The following NLRP5 variants were observed in gnomAD, a reference collection of about 807,000 sequenced individuals.
The protein encoded by NLRP5 is NACHT, LRR and PYD domains-containing protein 5.
In NLRP5, 93 loss-of-function variants were observed where a neutral mutation model predicts 113.1. The ratio of observed to expected loss-of-function variants is 0.82; its 90% CI spans 0.70 to 0.98. The LOEUF is 0.98. NLRP5 is among the 50% of genes least tolerant of loss of function. The probability of loss-of-function intolerance (pLI) is 0.00; values close to 1 mark genes in which losing one functional copy is unlikely to be tolerated. For synonymous variants in NLRP5, 751 were observed against 600.7 expected, an observed-to-expected ratio of 1.25 and a Z score of -3.66; for missense variants, 1,808 against 1,514.3, an observed-to-expected ratio of 1.19 and a Z score of -3.22.
Position 56,027,349 on chromosome 19 carries a change from C to T in NLRP5, c.1116C>T (p.Asn372=). Residue 372 remains asparagine, a synonymous_variant, in exon 7 of 15, where the codon AAC becomes AAT. Coordinates refer to ENST00000390649, the MANE Select transcript of NLRP5 (RefSeq NM_153447.4). The stretch of plus-strand genomic sequence containing the variant: ...TCGATGACCTGGGCTCTGTCCTCAA[C>T]AATGACACAAAGCTCTGCAAAGACT... 3 of 1,613,272 alleles carry T rather than the reference C, an allele frequency of 1.9e-6. No individual in the cohort carries two copies. The highest frequency in any genetic ancestry group is 2.5e-6 in the Non-Finnish European group (3 of 1,179,818).
rs879086181 is a variant in NLRP5 at position 56,061,612 on chromosome 19, A to T, written c.*84A>T. On this transcript the variant is annotated 3_prime_UTR_variant, in exon 15 of 15. Transcript: ENST00000390649. ...TCTCAGAGCAAGCTATGCACCTGGGAGTTCCTTCTCAAAGATGGAGAATGA... is the reference window on the plus strand; with the variant it reads ...TCTCAGAGCAAGCTATGCACCTGGGTGTTCCTTCTCAAAGATGGAGAATGA... 1 of 1,427,464 alleles carries T rather than the reference A, an allele frequency of 7.0e-7. No homozygotes were observed. 88.4% of individuals were successfully genotyped at this position (1,427,464 alleles called of 1,614,324 possible).
intron 7 of NLRP5, among the ~76,000 whole-genome samples, chr19:56,031,944 G>C (rs1395443723): frequency 1.3e-5 from 2 of 152,192 alleles, no homozygotes; most frequent in African/African-American, 4.8e-5. Flanking sequence ...AGGATTGTTA[G>C]GTCCTATGGT....
chr19:55,995,168 T>C (rs1227952605), upstream of NLRP5, among the ~76,000 whole-genome samples: 1 of 152,052 alleles, frequency 6.6e-6, no homozygotes, highest in Non-Finnish European at 1.5e-5. Context: ...ATGAGAACAC[T>C]TGGACACAGG....
Position 56,061,517 on chromosome 19 carries a change from T to G in NLRP5, c.3592T>G (p.Trp1198Gly), listed in dbSNP as rs1432336034. 1 of 1,613,816 alleles carries G rather than the reference T, an allele frequency of 6.2e-7. No individual in the cohort carries two copies. Among genetic ancestry groups the G allele is most frequent in the African/African-American group, 1.3e-5 (1 of 74,908 alleles). ...TTTTGATGAAGATGACCGGTACTGGTGGAAAAACTGAAGATACGGAAACCT... is the reference window on the plus strand; with the variant it reads ...TTTTGATGAAGATGACCGGTACTGGGGGAAAAACTGAAGATACGGAAACCT... The change falls in exon 15 of 15, where the codon TGG becomes GGG. Residue 1198 changes from tryptophan to glycine, a missense_variant. Coordinates refer to ENST00000390649, the MANE Select transcript of NLRP5 (RefSeq NM_153447.4).
At chr19:56,056,779 T>C (rs1984169579) in intron 13 of NLRP5, among the ~76,000 whole-genome samples, 1 of 152,170 alleles carries the variant, frequency 6.6e-6, no homozygotes, top group Non-Finnish European at 1.5e-5. Context: ...CATTCAATCT[T>C]ATCTCACCAT....
intron 3 of NLRP5, among the ~76,000 whole-genome samples, chr19:56,014,935 C>T (rs1314244846): frequency 6.6e-6 from 1 of 151,912 alleles, no homozygotes; most frequent in Non-Finnish European, 1.5e-5. Context: ...ACAATTTCTG[C>T]AAGCAAAAAA....
At chr19:56,056,326 G>GA (rs1244592873) in intron 13 of NLRP5, among the ~76,000 whole-genome samples, 1 of 147,984 alleles carries the variant, frequency 6.8e-6, no homozygotes, top group African/African-American at 2.7e-5. Context: ...GGGAGGCTGA[G>GA]GGGGGTGGAT....
intron 3 of NLRP5, among the ~76,000 whole-genome samples, chr19:56,012,989 A>G (rs1210459880): frequency 6.6e-6 from 1 of 152,146 alleles, no homozygotes; most frequent in Non-Finnish European, 1.5e-5. Flanking sequence ...TTGTGTAACC[A>G]TCACTGCTAC....
At chr19:56,039,727 C>T (rs1203288265) in intron 10 of NLRP5, among the ~76,000 whole-genome samples, 7 of 152,078 alleles carry the variant, frequency 4.6e-5, no homozygotes, top group African/African-American at 7.2e-5. Flanking sequence ...GCCTGGCCAA[C>T]GTGGTGAAAC....
chr19:56,027,786 G>T lies in NLRP5; in HGVS notation c.1553G>T (p.Arg518Leu), dbSNP rs764760079. ...CTCACCCCTCGAGGCGTGGTCCGGC[G>T]CTGTCTCAATCTGGAGGAAAGAGTT... is the stretch of plus-strand genomic sequence containing the variant. Residue 518 changes from arginine (R) to leucine (L), a missense_variant, in exon 7 of 15, where the codon CGC becomes CTC. Physicochemically the swap from Arg to Leu is moderately radical, Grantham distance 102. Coordinates refer to ENST00000390649, the MANE Select transcript of NLRP5 (RefSeq NM_153447.4). The T allele has an allele frequency of 5.6e-6, 9 of 1,613,980 alleles. No individual in the cohort carries two copies. Among genetic ancestry groups the T allele is most frequent in the Non-Finnish European group, 7.6e-6 (9 of 1,179,894 alleles).
At chr19:56,010,714 C>T (rs1442233843) in intron 3 of NLRP5, among the ~76,000 whole-genome samples, 1 of 110,814 alleles carries the variant, frequency 9.0e-6, no homozygotes, top group Non-Finnish European at 1.7e-5. Flanking sequence ...TGCACTCCAG[C>T]CTGGGAAACA....
At chr19:56,005,406 C>G (rs1345984784) in intron 2 of NLRP5, among the ~76,000 whole-genome samples, 4 of 148,340 alleles carry the variant, frequency 2.7e-5, no homozygotes, top group Admixed American at 2.0e-4. Context: ...CACACATATA[C>G]ACATATATTT....
At chr19:56,050,278 A>AG in intron 11 of NLRP5, 140 bp from the exon 12 acceptor site, 1 of 691,820 alleles carries the variant, frequency 1.4e-6, no homozygotes, top group South Asian at 2.1e-5. Flanking sequence ...AGACTCCTCA[A>AG]AAAAAAAAAA....
chr19:56,004,117 T>C (rs1196640338), intron 2 of NLRP5, 22 bp downstream of exon 2: 2 of 1,577,362 alleles, frequency 1.3e-6, no homozygotes, highest in African/African-American at 2.7e-5. Context: ...TTGGGACAAG[T>C]CTAGGGCAGG....
At chr19:56,009,951 G>A (rs1170444248) in intron 3 of NLRP5, among the ~76,000 whole-genome samples, 2 of 152,168 alleles carry the variant, frequency 1.3e-5, no homozygotes, top group Admixed American at 6.5e-5. Context: ...AGGCTTCACC[G>A]GGTGAGTGTG....
intron 11 of NLRP5, among the ~76,000 whole-genome samples, chr19:56,047,545 C>A (rs903023578): frequency 3.3e-5 from 5 of 152,150 alleles, no homozygotes; most frequent in Admixed American, 3.3e-4. Context: ...TTGAAGGTTC[C>A]TTTTGGAGTT....
chr19:56,061,596 A>T lies in NLRP5; in HGVS notation c.*68A>T. 1 of 1,556,140 alleles carries T rather than the reference A, an allele frequency of 6.4e-7. No homozygotes were observed. Among genetic ancestry groups the T allele is most frequent in the Non-Finnish European group, 8.8e-7 (1 of 1,130,922 alleles). ...ACTTTAAACGCTGTTTTCTCAGAGC[A>T]AGCTATGCACCTGGGAGTTCCTTCT... On this transcript the variant is annotated 3_prime_UTR_variant, in exon 15 of 15. Coordinates refer to ENST00000390649, the MANE Select transcript of NLRP5 (RefSeq NM_153447.4).
At chr19:56,024,930 C>T (rs993255195) in intron 6 of NLRP5, among the ~76,000 whole-genome samples, 4 of 150,520 alleles carry the variant, frequency 2.7e-5, no homozygotes, top group African/African-American at 9.8e-5. Flanking sequence ...TTTACAGCTG[C>T]TCCCCATGAC....
chr19:56,057,660 A>G (rs1380887635), intron 13 of NLRP5, among the ~76,000 whole-genome samples: 1 of 152,136 alleles, frequency 6.6e-6, no homozygotes. Context: ...TTCCACAACT[A>G]TAATTTGAGT....
Sources: allele counts gnomAD v4.1 joint callset (sites outside exome capture counted in the v4.1 genomes callset), GRCh38; gene constraint gnomAD v4.1.1; transcripts MANE v1.5; gene names NCBI Gene and HGNC (gene_info 2026-07-23, HGNC 2026-07-21).